MDM2: variants seen among roughly 807,000 people sequenced by gnomAD.
The protein encoded by MDM2 is MDM2 proto-oncogene.
Under a neutral mutation model 64.3 loss-of-function variants are expected in MDM2, and 11 were observed. The observed-to-expected ratio is 0.17, with a 90% confidence interval of 0.11 to 0.28. The LOEUF (loss-of-function observed/expected upper bound fraction) is 0.28, where lower values mean the gene tolerates loss of function less well. Among genes scored for constraint, MDM2 ranks in the 10% least tolerant of loss-of-function variants. MDM2 has a pLI of 1.00. For missense variants in MDM2, 388 were observed against 577.1 expected (o/e 0.67, Z 3.36); for synonymous variants, 194 against 192.9 (o/e 1.01, Z -0.05).
rs547067995 is a variant in MDM2 at position 68,808,189 on chromosome 12, A to C, written c.-289A>C. On this transcript the variant is annotated 5_prime_UTR_variant, in exon 1 of 11. Transcript: ENST00000258149. ...CTCGGGCGGTAGGGGGCGCGCACCG[A>C]GGCACCGCGGCGAGCTTGGCTGCTT... The C allele has an allele frequency of 8.1e-4, 414 of 512,280 alleles. 4 individuals are homozygous for C. In the East Asian group the frequency reaches 0.014, roughly 17 times the overall value. The allele number at this position is 512,280 out of a possible 1,614,324, so 31.7% of individuals were successfully genotyped here.
At chr12:68,808,991 C>T (rs1880614477) in intron 1 of MDM2, 4 of 1,436,212 alleles carry the variant, frequency 2.8e-6, no homozygotes, top group Non-Finnish European at 3.6e-6. Context: ...CCAGCTGGGG[C>T]TATTTAAACC....
rs1360784534 is a variant in MDM2 at position 68,845,530 on chromosome 12, C to G, written c.*5681C>G. The G allele has an allele frequency of 2.6e-5, 5 of 191,580 alleles. No individual in the cohort carries two copies. Among genetic ancestry groups the G allele is most frequent in the African/African-American group, 7.0e-5 (3 of 42,916 alleles). The allele number at this position is 191,580 out of a possible 1,614,324, so 11.9% of individuals were successfully genotyped here. Reference sequence around the variant, plus strand: ...GAGTAATAGTATTTTGAATGAAAACCATAGTTGATTGTCTTTAGAGAGAGG... The same window carrying G: ...GAGTAATAGTATTTTGAATGAAAACGATAGTTGATTGTCTTTAGAGAGAGG... On this transcript the variant is annotated 3_prime_UTR_variant, in exon 11 of 11. Transcript: ENST00000258149.
chr12:68,836,110 A>C (rs1183654020), intron 9 of MDM2, 126 bp downstream of exon 9: 1 of 815,020 alleles, frequency 1.2e-6, no homozygotes, highest in Non-Finnish European at 1.8e-6. Context: ...GATTTGTTTA[A>C]ACTAACACAT....
intron 9 of MDM2, among the ~76,000 whole-genome samples, chr12:68,836,385 C>T (rs1313103749): frequency 6.6e-6 from 1 of 152,148 alleles, no homozygotes; most frequent in East Asian, 1.9e-4. Flanking sequence ...AGCTATTTCC[C>T]TATTATTTAA....
intron 3 of MDM2, 72 bp downstream of exon 3, chr12:68,813,700 G>T (rs1158907816): frequency 2.7e-6 from 3 of 1,103,412 alleles, no homozygotes; most frequent in Admixed American, 2.2e-5. Flanking sequence ...TCAAGACCAT[G>T]TGGAGAAATT....
intron 5 of MDM2, 193 bp from the exon 6 acceptor site, chr12:68,824,170 A>G (rs1882104604): frequency 4.2e-5 from 23 of 552,660 alleles, no homozygotes; most frequent in South Asian, 2.9e-4. Context: ...ACTCTTCTAC[A>G]TTAAAGTTGA....
At chr12:68,811,112 G>T (rs1375347200) in intron 2 of MDM2, among the ~76,000 whole-genome samples, 1 of 152,032 alleles carries the variant, frequency 6.6e-6, no homozygotes, top group African/African-American at 2.4e-5. Context: ...TGATCTGCCT[G>T]CCTCGGCCTC....
chr12:68,820,396 TG>T (rs1461629172), intron 5 of MDM2, 22 bp downstream of exon 5: 35 of 1,578,184 alleles, frequency 2.2e-5, no homozygotes, highest in Non-Finnish European at 2.9e-5. Context: ...TTGAGCATCA[TG>T]GATAAATACC....
chr12:68,808,886 T>G, intron 1 of MDM2: 1 of 1,361,178 alleles, frequency 7.3e-7, no homozygotes, highest in Non-Finnish European at 9.4e-7. Flanking sequence ...TTGGGCCGGT[T>G]CAGTGGGCAG....
At chr12:68,808,892 G>A (rs998058339) in intron 1 of MDM2, 1 of 1,360,594 alleles carries the variant, frequency 7.3e-7, no homozygotes, top group Non-Finnish European at 9.4e-7. Flanking sequence ...CGGTTCAGTG[G>A]GCAGGTTGAC....
intron 4 of MDM2, among the ~76,000 whole-genome samples, chr12:68,820,069 T>C (rs1881717977): frequency 6.6e-6 from 1 of 152,190 alleles, no homozygotes; most frequent in Non-Finnish European, 1.5e-5. Context: ...ACAAAGCACA[T>C]TTCAGGAATT....
chr12:68,808,240 C>A lies in MDM2; in HGVS notation c.-238C>A. On this transcript the variant is annotated 5_prime_UTR_variant, in exon 1 of 11. Coordinates refer to ENST00000258149, the MANE Select transcript of MDM2 (RefSeq NM_002392.6). ...CTGGGGCCTGTGTGGCCCTGTGTGT[C>A]GGAAAGATGGAGCAAGAAGCCGAGC... 1 of 587,106 alleles carries A rather than the reference C, an allele frequency of 1.7e-6. No individual in the cohort carries two copies. The highest frequency in any genetic ancestry group is 2.0e-5 in the South Asian group (1 of 50,028). The allele number at this position is 587,106 out of a possible 1,614,324, so 36.4% of individuals were successfully genotyped here.
chr12:68,833,288 T>TATAAAAATATATTTATATAA (rs1883009596), intron 8 of MDM2, among the ~76,000 whole-genome samples: 2 of 98,384 alleles, frequency 2.0e-5, no homozygotes, highest in African/African-American at 6.0e-5. Context: ...TAAATATAAA[T>TATAAAAATATATTTATATAA]ATATATATTT....
rs1267194269 is a variant in MDM2 at position 68,824,377 on chromosome 12, G to C, written c.373G>C (p.Gly125Arg). Residue 125 changes from glycine (G) to arginine (R), a missense_variant, in exon 6 of 11, where the codon GGT becomes CGT. By Grantham distance (125) the Gly-to-Arg change is moderately radical (BLOSUM62 -2). Coordinates refer to ENST00000258149, the MANE Select transcript of MDM2 (RefSeq NM_002392.6). ...VVNQQESSDS[G>R]TSVSENRCHL... ...TTTTCTCTCAGAATCATCGGACTCA[G>C]GTACATCTGTGAGTGAGAACAGGTG... 6.2e-7 allele frequency: 1 copy of C among 1,613,382 alleles called. No homozygotes were observed. Among genetic ancestry groups the C allele is most frequent in the Non-Finnish European group, 8.5e-7 (1 of 1,179,708 alleles).
rs1018755061 is a variant in MDM2, at chr12:68,840,753, C to G, written c.*904C>G. 1 of 167,778 alleles carries G rather than the reference C, an allele frequency of 6.0e-6. No homozygotes were observed. Among genetic ancestry groups the G allele is most frequent in the East Asian group, 1.2e-4 (1 of 8,586 alleles). The allele number at this position is 167,778 out of a possible 1,614,324, so 10.4% of individuals were successfully genotyped here. A position where few individuals can be genotyped will look rare whatever the true frequency, so the allele number is the denominator to read the frequency against. ...ACTCCTGACCTCAAGTGAGGTCACC[C>G]GCCTCGGCCTCCCGAAGTGCTGGGA... On this transcript the variant is annotated 3_prime_UTR_variant, in exon 11 of 11. Transcript: ENST00000258149.
Position 68,840,435 on chromosome 12 carries a change from C to T in MDM2, c.*586C>T, listed in dbSNP as rs963336108. On this transcript the variant is annotated 3_prime_UTR_variant, in exon 11 of 11. Transcript: ENST00000258149. ...CTGGGATTACAGGCATGAGCCACCGCGTCCGGCCTAAATGTCACTTAGTAC... is the reference window on the plus strand; with the variant it reads ...CTGGGATTACAGGCATGAGCCACCGTGTCCGGCCTAAATGTCACTTAGTAC... 2.8e-5 allele frequency: 5 copies of T among 177,700 alleles called. No individual in the cohort carries two copies. The highest frequency in any genetic ancestry group is 9.5e-5 in the East Asian group (1 of 10,528). 11.0% of individuals were successfully genotyped at this position (177,700 alleles called of 1,614,324 possible). A position where few individuals can be genotyped will look rare whatever the true frequency, so the allele number is the denominator to read the frequency against.
chr12:68,824,780 T>A (rs976544701), intron 7 of MDM2, 129 bp downstream of exon 7: 9 of 630,370 alleles, frequency 1.4e-5, no homozygotes, highest in Non-Finnish European at 2.2e-5. Context: ...CTCTGAGTTT[T>A]TTTCATTCGT....
At chr12:68,828,225 G>T (rs1303109715) in intron 7 of MDM2, 2 of 152,216 alleles carry the variant, frequency 1.3e-5, no homozygotes, top group Non-Finnish European at 2.9e-5. Context: ...AAAAACAGAT[G>T]AGCTCTTATA....
chr12:68,817,702 C>G (rs1281511410), intron 4 of MDM2, among the ~76,000 whole-genome samples: 2 of 151,942 alleles, frequency 1.3e-5, no homozygotes, highest in Non-Finnish European at 2.9e-5. Context: ...TTGAGGTGAG[C>G]CGAGATTGCG....
Sources: gnomAD v4.1 joint callset for allele counts (sites outside exome capture counted in the v4.1 genomes callset) on GRCh38, gnomAD v4.1.1 for gene constraint, MANE v1.5 for transcripts, NCBI Gene and HGNC (gene_info 2026-07-23, HGNC 2026-07-21) for gene names.